Variants in EYA3 observed in about 807,000 individuals in gnomAD.
The protein encoded by EYA3 is protein phosphatase EYA3.
Under a neutral mutation model 80.0 loss-of-function variants are expected in EYA3, and 39 were observed. The observed-to-expected ratio is 0.49, with a 90% CI of 0.38 to 0.64. The LOEUF is 0.64. Among genes scored for constraint, EYA3 ranks in the 30% least tolerant of loss-of-function variants. The pLI, the probability that EYA3 is intolerant of heterozygous loss-of-function variation, is 0.00. For missense variants in EYA3, 523 were observed against 676.1 expected (o/e 0.77, Z 2.51); for synonymous variants, 206 against 232.8 (o/e 0.88, Z 1.05).
intron 1 of EYA3, among the ~76,000 whole-genome samples, chr1:28,078,967 G>A (rs1645323080): frequency 6.6e-6 from 1 of 152,198 alleles, no homozygotes; most frequent in Non-Finnish European, 1.5e-5. Flanking sequence ...AGCTTAAAAT[G>A]TATGATATGC....
At chr1:28,005,798 G>A (rs532672249) in intron 10 of EYA3, among the ~76,000 whole-genome samples, 48 of 152,118 alleles carry the variant, frequency 3.2e-4, no homozygotes, top group South Asian at 6.2e-4. Context: ...AAATTCAGCA[G>A]CATATTAAAA....
chr1:28,022,188 G>A (rs538324108), intron 7 of EYA3, among the ~76,000 whole-genome samples: 10 of 151,996 alleles, frequency 6.6e-5, no homozygotes, highest in African/African-American at 2.4e-4. Flanking sequence ...TCGCTCTGTC[G>A]CCCAGGCTGG....
At chr1:28,027,652 C>T (rs890686237) in intron 7 of EYA3, 137 bp downstream of exon 7, 3 of 1,120,092 alleles carry the variant, frequency 2.7e-6, no homozygotes, top group Non-Finnish European at 3.8e-6. Flanking sequence ...ATGCACAAAT[C>T]CAAGTATCAC....
chr1:28,028,054 G>T, intron 6 of EYA3, 128 bp from the exon 7 acceptor site: 1 of 978,562 alleles, frequency 1.0e-6, no homozygotes, highest in Non-Finnish European at 1.5e-6. Flanking sequence ...GCTTGTAAGA[G>T]AAAATTATTG....
intron 16 of EYA3, 24 bp from the exon 17 acceptor site, chr1:27,978,498 G>A: frequency 6.3e-7 from 1 of 1,578,528 alleles, no homozygotes; most frequent in Non-Finnish European, 8.7e-7. Flanking sequence ...GAAATTTCCT[G>A]TTAGAATACT....
At chr1:28,006,535 T>C (rs929230163) in intron 10 of EYA3, among the ~76,000 whole-genome samples, 4 of 151,896 alleles carry the variant, frequency 2.6e-5, no homozygotes, top group Non-Finnish European at 4.4e-5. Flanking sequence ...TGAAACCCCA[T>C]CTCTACTAAA....
intron 17 of EYA3, chr1:27,977,488 G>C (rs983913591): frequency 3.8e-5 from 45 of 1,175,494 alleles, no homozygotes; most frequent in Admixed American, 4.9e-5. Flanking sequence ...AATTCACATA[G>C]CTGAGACACA....
chr1:28,017,205 A>G lies in EYA3; in HGVS notation c.534T>C (p.Ser178=). The G allele has an allele frequency of 6.2e-7, 1 of 1,613,978 alleles. No individual in the cohort carries two copies. The highest frequency in any genetic ancestry group is 2.2e-5 in the East Asian group (1 of 44,870). The change falls in exon 8 of 18, where the codon TCT becomes TCC. Residue 178 remains serine (S), a synonymous_variant. Coordinates refer to ENST00000373871, the MANE Select transcript of EYA3 (RefSeq NM_001990.4). ...CTGCTGGAATATTGGCAATTGTAGA[A>G]GAAGTAGATATCAGGCTGGCATTTG... The part of the protein sequence containing the change: ...SSTNASLIST[S]STIANIPAAA...
chr1:27,977,194 A>G, intron 17 of EYA3: 1 of 1,481,450 alleles, frequency 6.8e-7, no homozygotes, highest in Non-Finnish European at 9.0e-7. Flanking sequence ...AAAGCTTCAT[A>G]ACATATGTGA....
chr1:28,082,131 T>C (rs1645452510), intron 1 of EYA3, among the ~76,000 whole-genome samples: 1 of 152,160 alleles, frequency 6.6e-6, no homozygotes, highest in Admixed American at 6.5e-5. Context: ...AAAAACAGTA[T>C]ACTTAATGTC....
At chr1:28,080,430 C>T (rs2148953483) in intron 1 of EYA3, among the ~76,000 whole-genome samples, 1 of 152,086 alleles carries the variant, frequency 6.6e-6, no homozygotes, top group South Asian at 2.1e-4. Context: ...ACGCTTCAGC[C>T]CAGGTGATAC....
At chr1:27,993,329 G>C (rs1225036846) in intron 14 of EYA3, 71 bp downstream of exon 14, 53 of 1,462,068 alleles carry the variant, frequency 3.6e-5, no homozygotes, top group Non-Finnish European at 4.3e-5. Context: ...GGGAATCTAA[G>C]GAATCCCTGG....
chr1:28,026,880 C>G (rs1642820564), intron 7 of EYA3, among the ~76,000 whole-genome samples: 2 of 151,860 alleles, frequency 1.3e-5, no homozygotes, highest in African/African-American at 4.8e-5. Flanking sequence ...TCCACTAGAC[C>G]AAGGAGAAGT....
intron 1 of EYA3, among the ~76,000 whole-genome samples, chr1:28,080,957 T>C (rs1014239673): frequency 5.3e-5 from 8 of 151,928 alleles, no homozygotes; most frequent in African/African-American, 1.9e-4. Context: ...GGTTTCACCA[T>C]GTTGGCTAGG....
intron 10 of EYA3, among the ~76,000 whole-genome samples, chr1:28,010,385 T>A (rs1197726544): frequency 2.0e-5 from 3 of 152,140 alleles, no homozygotes; most frequent in Non-Finnish European, 2.9e-5. Context: ...TCTAGTCCTT[T>A]CCTTTTAAAT....
At chr1:28,081,171 C>A (rs181950941) in intron 1 of EYA3, among the ~76,000 whole-genome samples, 2 of 152,004 alleles carry the variant, frequency 1.3e-5, no homozygotes, top group African/African-American at 2.4e-5. Flanking sequence ...ATGTGAGGTA[C>A]CTACAGTAAA....
intron 1 of EYA3, among the ~76,000 whole-genome samples, chr1:28,079,446 G>A (rs1645342726): frequency 6.6e-6 from 1 of 152,194 alleles, no homozygotes; most frequent in Admixed American, 6.5e-5. Flanking sequence ...GGCCAGAAGA[G>A]AGCAGAATAA....
At chr1:28,017,265 T>C (rs768406099) in intron 7 of EYA3, 26 bp from the exon 8 acceptor site, 8 of 1,509,686 alleles carry the variant, frequency 5.3e-6, no homozygotes, top group Non-Finnish European at 6.4e-6. Flanking sequence ...GGTTAAAAGA[T>C]ATTAAAGATA....
chr1:28,017,564 C>T (rs1642154672), intron 7 of EYA3, among the ~76,000 whole-genome samples: 1 of 152,174 alleles, frequency 6.6e-6, no homozygotes, highest in African/African-American at 2.4e-5. Context: ...CCCATCTTCT[C>T]CAGAGGCTGA....
Sources: gnomAD v4.1 joint callset for allele counts (sites outside exome capture counted in the v4.1 genomes callset) on GRCh38, gnomAD v4.1.1 for gene constraint, MANE v1.5 for transcripts, NCBI Gene and HGNC (gene_info 2026-07-23, HGNC 2026-07-21) for gene names.